FECH: variants seen among roughly 807,000 people sequenced by gnomAD.
FECH encodes the protein ferrochelatase.
A neutral mutation model predicts 56.9 loss-of-function variants in FECH; 40 were observed. The ratio of observed to expected loss-of-function variants is 0.70; its 90% CI spans 0.55 to 0.92. The LOEUF (loss-of-function observed/expected upper bound fraction) is 0.92, where lower values mean the gene tolerates loss of function less well. FECH is among the 40% of genes least tolerant of loss of function. The probability of loss-of-function intolerance (pLI) is 0.00; values close to 1 mark genes in which losing one functional copy is unlikely to be tolerated. For synonymous variants in FECH, 175 were observed against 198.6 expected (o/e 0.88, Z 1.00); for missense variants, 431 against 529.1 (o/e 0.81, Z 1.82).
In FECH at chr18:57,547,722, T is replaced by C. The variant is rs893125018; in HGVS notation, c.*2990A>G. Among the ~76,000 whole-genome samples, 1 of 152,128 alleles carries C rather than the reference T, an allele frequency of 6.6e-6. No homozygotes were observed. Among genetic ancestry groups the C allele is most frequent in the African/African-American group, 2.4e-5 (1 of 41,446 alleles). On this transcript the variant is annotated 3_prime_UTR_variant, in exon 11 of 11. Transcript: ENST00000262093. ...ATCACACCTCACTGCAACCTCAAAC[T>C]GCTGGGCTCAAGCAATCCTACCACC...
In FECH at chr18:57,546,394, C is replaced by T. The variant is rs1243064507; in HGVS notation, c.*4318G>A. ...GAGCCCCTAGGAATGCAGGTGCCCC[C>T]AGTCATCTACACTCTGAGCAGGGGG... On this transcript the variant is annotated 3_prime_UTR_variant, in exon 11 of 11. Coordinates refer to ENST00000262093, the MANE Select transcript of FECH (RefSeq NM_000140.5). 6.6e-6 allele frequency among the ~76,000 whole-genome samples: 1 copy of T among 152,152 alleles called. No homozygotes were observed. The highest frequency in any genetic ancestry group is 2.4e-5 in the African/African-American group (1 of 41,428).
rs531089366 is a variant in FECH, at chr18:57,579,313, G to GTGTGTGTGTGTGTGTA, written c.194+759_194+760insTACACACACACACACA. Among the ~76,000 whole-genome samples, 759 of 143,770 alleles carry GTGTGTGTGTGTGTGTA rather than the reference G, an allele frequency of 5.3e-3. 4 individuals carry two copies. Among genetic ancestry groups the GTGTGTGTGTGTGTGTA allele is most frequent in the Non-Finnish European group, 8.3e-3 (552 of 66,224 alleles). 94.3% of individuals were successfully genotyped at this position (143,770 alleles called of 152,430 possible). On this transcript the variant is annotated intron_variant, in intron 2 of 10. Coordinates refer to ENST00000262093, the MANE Select transcript of FECH (RefSeq NM_000140.5). ...TATGTGTGTGTGTGTGTGTGTGTGT[G>GTGTGTGTGTGTGTGTA]TATATATTCATACCTGTATAATTTT...
At position 57,554,429 on chromosome 18, in the gene FECH, G is replaced by A. The variant is rs201484053; in HGVS notation, c.913-5C>T. ...CAACCAGGGCATTGGACCAACCTAT[G>A]CGAAAGATAGACGAATGCGTAAGTG... On this transcript the variant is annotated splice_polypyrimidine_tract_variant and splice_region_variant and intron_variant, in intron 8 of 10. Coordinates refer to ENST00000262093, the MANE Select transcript of FECH (RefSeq NM_000140.5). The A allele has an allele frequency of 1.0e-4, 165 of 1,614,192 alleles. No individual in the cohort carries two copies. The Admixed American group carries it at 1.4e-3, about 14-fold the overall frequency.
At position 57,546,711 on chromosome 18, in the gene FECH, A is replaced by C. The variant is rs1224150189; in HGVS notation, c.*4001T>G. Among the ~76,000 whole-genome samples the C allele has an allele frequency of 6.6e-6, 1 of 151,918 alleles. No homozygotes were observed. The highest frequency in any genetic ancestry group is 2.4e-5 in the African/African-American group (1 of 41,362). On this transcript the variant is annotated 3_prime_UTR_variant, in exon 11 of 11. Coordinates refer to ENST00000262093, the MANE Select transcript of FECH (RefSeq NM_000140.5). ...GATGGTGGCTCACGCCTGTAATCCC[A>C]ACACTTTCAGAGGCTGAGGCGGGTG... is the stretch of plus-strand genomic sequence containing the variant.
chr18:57,584,658 G>A (rs143790442), intron 1 of FECH, among the ~76,000 whole-genome samples: 625 of 151,560 alleles, frequency 4.1e-3, no homozygotes, highest in Non-Finnish European at 6.2e-3. Flanking sequence ...AATATGCACC[G>A]TTTTTAAAAT....
chr18:57,570,032 C>T (rs1441129518), intron 4 of FECH, among the ~76,000 whole-genome samples: 2,301 of 122,834 alleles, frequency 0.019, 65 homozygotes, highest in East Asian at 0.16. Context: ...TTGTTGTTGT[C>T]GTGTGTGTGT....
intron 4 of FECH, among the ~76,000 whole-genome samples, chr18:57,568,267 G>GTATGCAT (rs1257817889): frequency 6.6e-6 from 1 of 152,182 alleles, no homozygotes; most frequent in Non-Finnish European, 1.5e-5. Context: ...TAAATGCCTA[G>GTATGCAT]GGTCTGGGAG....
rs150676933 is a variant in FECH at position 57,576,454 on chromosome 18, C to T, written c.195-3089G>A. Reference sequence around the variant, plus strand: ...AGACCACTAGTCTTCTCCTGGGATCCTGTCTTTCACCTTCAAAATCTGTGA... The same window carrying T: ...AGACCACTAGTCTTCTCCTGGGATCTTGTCTTTCACCTTCAAAATCTGTGA... On this transcript the variant is annotated intron_variant, in intron 2 of 10. Transcript: ENST00000262093. Among the ~76,000 whole-genome samples, 333 of 152,294 alleles carry T rather than the reference C, an allele frequency of 2.2e-3. 2 individuals are homozygous for T. Among genetic ancestry groups the T allele is most frequent in the African/African-American group, 7.5e-3 (310 of 41,542 alleles).
intron 5 of FECH, among the ~76,000 whole-genome samples, 168 bp downstream of exon 5, chr18:57,566,279 G>A (rs2051015103): frequency 6.6e-6 from 1 of 152,192 alleles, no homozygotes. Context: ...GGGACAGATG[G>A]ACCATGAGAT....
At chr18:57,564,137 C>T (rs1162851177) in intron 5 of FECH, among the ~76,000 whole-genome samples, 1 of 152,196 alleles carries the variant, frequency 6.6e-6, no homozygotes, top group Non-Finnish European at 1.5e-5. Flanking sequence ...CTGGGCCTCC[C>T]AAAGTGCTGG....
intron 1 of FECH, among the ~76,000 whole-genome samples, chr18:57,581,152 G>C (rs2051271908): frequency 6.6e-6 from 1 of 152,220 alleles, no homozygotes; most frequent in Non-Finnish European, 1.5e-5. Context: ...GAGTTCAAGA[G>C]CTCATCCTTC....
In FECH at chr18:57,548,715, A is replaced by G. The variant is rs971322427; in HGVS notation, c.*1997T>C. The stretch of plus-strand genomic sequence containing the variant: ...ACAAATGCCATGAGCAGTGATCTCA[A>G]TAAATTCCTCTTTGCCTGTCACTAT... On this transcript the variant is annotated 3_prime_UTR_variant, in exon 11 of 11. Coordinates refer to ENST00000262093, the MANE Select transcript of FECH (RefSeq NM_000140.5). 1 of 152,258 alleles carries G rather than the reference A, an allele frequency of 6.6e-6. No individual in the cohort carries two copies. Among genetic ancestry groups the G allele is most frequent in the Non-Finnish European group, 1.5e-5 (1 of 68,062 alleles). 9.4% of individuals were successfully genotyped at this position (152,258 alleles called of 1,614,324 possible).
chr18:57,561,022 C>A (rs1286206037), intron 6 of FECH, among the ~76,000 whole-genome samples: 1 of 152,002 alleles, frequency 6.6e-6, no homozygotes, highest in Admixed American at 6.5e-5. Context: ...GGATTAGATA[C>A]AAACGAAACC....
At chr18:57,563,185 A>G (rs2050968574) in intron 5 of FECH, among the ~76,000 whole-genome samples, 1 of 152,270 alleles carries the variant, frequency 6.6e-6, no homozygotes, top group African/African-American at 2.4e-5. Context: ...ATCAATTTCA[A>G]TGGACTTTCA....
intron 7 of FECH, among the ~76,000 whole-genome samples, chr18:57,557,921 C>T (rs1050094825): frequency 6.6e-6 from 1 of 152,188 alleles, no homozygotes; most frequent in African/African-American, 2.4e-5. Context: ...AAAAGGATTG[C>T]ATGACACCAG....
intron 6 of FECH, among the ~76,000 whole-genome samples, chr18:57,560,520 AC>A (rs929036781): frequency 6.6e-6 from 1 of 152,184 alleles, no homozygotes; most frequent in Non-Finnish European, 1.5e-5. Flanking sequence ...GTGTGATGGC[AC>A]CTGCCTGTGG....
At chr18:57,580,290 T>C in intron 1 of FECH, 91 bp from the exon 2 acceptor site, 4 of 1,486,906 alleles carry the variant, frequency 2.7e-6, no homozygotes, top group Non-Finnish European at 3.7e-6. Context: ...GACTTTAAAA[T>C]TTAAAGAGAT....
chr18:57,554,470 C>T (rs376560885), intron 8 of FECH, 46 bp from the exon 9 acceptor site: 88 of 1,608,454 alleles, frequency 5.5e-5, no homozygotes, highest in East Asian at 1.3e-4. Flanking sequence ...TGCCTCCTGA[C>T]GGTCTGTAGT....
chr18:57,552,382 A>ATTTAT (rs973444680), intron 9 of FECH, among the ~76,000 whole-genome samples: 22 of 150,896 alleles, frequency 1.5e-4, no homozygotes, highest in Non-Finnish European at 4.4e-5. Context: ...TTTATTTTTT[A>ATTTAT]TTTATTTTAT....
Sources: gnomAD v4.1 joint callset for allele counts (sites outside exome capture counted in the v4.1 genomes callset) on GRCh38, gnomAD v4.1.1 for gene constraint, MANE v1.5 for transcripts, NCBI Gene and HGNC (gene_info 2026-07-23, HGNC 2026-07-21) for gene names.